Variants in PCDHA10 observed in about 807,000 individuals in gnomAD.
The protein encoded by PCDHA10 is protocadherin alpha-10.
Under a neutral mutation model 61.2 loss-of-function variants are expected in PCDHA10, and 45 were observed. The ratio of observed to expected loss-of-function variants is 0.74; its 90% CI spans 0.58 to 0.94. The LOEUF is 0.94. PCDHA10 is among the 40% of genes least tolerant of loss of function. PCDHA10 has a pLI of 0.00. For synonymous variants in PCDHA10, 602 were observed against 548.8 expected, an observed-to-expected ratio of 1.10 and a Z score of -1.35; for missense variants, 1,278 against 1,236.2, an observed-to-expected ratio of 1.03 and a Z score of -0.51.
At chr5:140,950,384 T>C (rs1242946878) in intron 1 of PCDHA10, among the ~76,000 whole-genome samples, 8 of 152,028 alleles carry the variant, frequency 5.3e-5, no homozygotes, top group Non-Finnish European at 8.8e-5. Context: ...TCCATTTGAA[T>C]GATATAGAAT....
rs116228766 is a variant in PCDHA10 at position 140,907,042 on chromosome 5, C to A, written c.2388+48606C>A. Among the ~76,000 whole-genome samples, 705 of 152,284 alleles carry A rather than the reference C, an allele frequency of 4.6e-3. 3 individuals carry two copies. The highest frequency in any genetic ancestry group is 0.016 in the African/African-American group (683 of 41,556). On this transcript the variant is annotated intron_variant, in intron 1 of 3. Coordinates refer to ENST00000307360, the MANE Select transcript of PCDHA10 (RefSeq NM_018901.4). The stretch of plus-strand genomic sequence containing the variant: ...CCAGCAGAACATAATGTCACAGGGA[C>A]AGTAAGCAAAAATTTTACTAGTGGG...
intron 3 of PCDHA10, among the ~76,000 whole-genome samples, chr5:140,989,227 C>T (rs933142074): frequency 2.6e-5 from 4 of 152,162 alleles, no homozygotes; most frequent in African/African-American, 9.7e-5. Flanking sequence ...TTCTTTGTAG[C>T]TGAAGTTTTA....
At chr5:140,871,190 A>G (rs1554165248) in intron 1 of PCDHA10, 9 of 1,613,526 alleles carry the variant, frequency 5.6e-6, no homozygotes, top group Admixed American at 3.3e-5. Flanking sequence ...GTGGATGTCA[A>G]CGTGTACCTG....
intron 1 of PCDHA10, chr5:140,870,622 G>A (rs377101052): frequency 6.2e-7 from 1 of 1,613,120 alleles, no homozygotes; most frequent in Admixed American, 1.7e-5. Flanking sequence ...GTCGAGCTAC[G>A]TGTCGGTGCA....
chr5:140,967,056 G>A, intron 1 of PCDHA10: 1 of 1,612,712 alleles, frequency 6.2e-7, no homozygotes, highest in Non-Finnish European at 8.5e-7. Context: ...CTGACGAGTG[G>A]AGCGCTCTTC....
chr5:141,005,499 C>T (rs1399657712), intron 3 of PCDHA10, among the ~76,000 whole-genome samples: 1 of 151,380 alleles, frequency 6.6e-6, no homozygotes, highest in Non-Finnish European at 1.5e-5. Context: ...GTCAGGAGAT[C>T]GAGACCATCC....
At chr5:140,941,202 C>CTTTTCTTTCTTCCTTTCTTT (rs1554213921) in intron 1 of PCDHA10, among the ~76,000 whole-genome samples, 1 of 122,742 alleles carries the variant, frequency 8.1e-6, no homozygotes, top group Non-Finnish European at 1.8e-5. Flanking sequence ...TTTCTTTCTT[C>CTTTTCTTTCTTCCTTTCTTT]CTTTCTTTCT....
Position 140,856,936 on chromosome 5 carries a change from A to C in PCDHA10, c.888A>C (p.Glu296Asp). Residue 296 changes from glutamate to aspartate, a missense_variant, in exon 1 of 4, where the codon GAA (glutamate) becomes GAC (aspartate). Physicochemically the swap from Glu to Asp is conservative, Grantham distance 45 (BLOSUM62 2). Transcript: ENST00000307360. Reference sequence around the variant, plus strand: ...TAAGAAGGAAATTTTGGATAAACGAAAGGACGGGAGAAATAAAAGTAAATG... The same window carrying C: ...TAAGAAGGAAATTTTGGATAAACGACAGGACGGGAGAAATAAAAGTAAATG... ...PTIRRKFWIN[E>D]RTGEIKVNDA... 1 of 1,594,202 alleles carries C rather than the reference A, an allele frequency of 6.3e-7. No homozygotes were observed.
intron 1 of PCDHA10, chr5:140,926,750 G>C (rs2083528007): frequency 8.0e-7 from 1 of 1,256,516 alleles, no homozygotes; most frequent in Non-Finnish European, 1.0e-6. Flanking sequence ...AACGTCGGCG[G>C]TCGCTGAGTA....
intron 1 of PCDHA10, 103 bp downstream of exon 1, chr5:140,858,539 T>G: frequency 7.1e-7 from 1 of 1,399,640 alleles, no homozygotes; most frequent in Admixed American, 2.0e-5. Context: ...TTTGTCTACA[T>G]TCCATTTATG....
Position 141,011,779 on chromosome 5 carries a change from A to G in PCDHA10, c.*1842A>G, listed in dbSNP as rs1407523783. On this transcript the variant is annotated 3_prime_UTR_variant, in exon 4 of 4. Transcript: ENST00000307360. ...CTTTGAAGTTGCAGAATGCTTTGAAATTCTAATGGTATCTGAAATATCAGC... is the reference window on the plus strand; with the variant it reads ...CTTTGAAGTTGCAGAATGCTTTGAAGTTCTAATGGTATCTGAAATATCAGC... The G allele has an allele frequency of 6.5e-6, 1 of 153,778 alleles. No homozygotes were observed. Among genetic ancestry groups the G allele is most frequent in the East Asian group, 1.9e-4 (1 of 5,202 alleles). 9.5% of individuals were successfully genotyped at this position (153,778 alleles called of 1,614,324 possible).
chr5:140,967,066 C>T (rs782715200), intron 1 of PCDHA10: 4 of 1,612,790 alleles, frequency 2.5e-6, no homozygotes, highest in African/African-American at 1.3e-5. Flanking sequence ...GAGCGCTCTT[C>T]GTCAACGAGC....
intron 1 of PCDHA10, among the ~76,000 whole-genome samples, chr5:140,885,740 GTTACT>G (rs1554182262): frequency 2.6e-5 from 4 of 152,016 alleles, no homozygotes; most frequent in African/African-American, 9.7e-5. Context: ...ATATTTCACT[GTTACT>G]TTAATTTTAA....
chr5:140,985,233 G>C (rs1447323173), intron 3 of PCDHA10, among the ~76,000 whole-genome samples: 4 of 152,084 alleles, frequency 2.6e-5, no homozygotes, highest in Non-Finnish European at 5.9e-5. Flanking sequence ...CACCGCGCCT[G>C]GCCTAATCTT....
intron 1 of PCDHA10, chr5:140,862,565 A>G: frequency 2.1e-6 from 1 of 478,016 alleles, no homozygotes; most frequent in Non-Finnish European, 4.3e-6. Context: ...GTGAACCACA[A>G]TGCCCTGGCG....
intron 3 of PCDHA10, among the ~76,000 whole-genome samples, chr5:141,005,470 G>T (rs1563690887): frequency 6.6e-6 from 1 of 151,956 alleles, no homozygotes; most frequent in African/African-American, 2.4e-5. Flanking sequence ...TTGGGAGGCC[G>T]AGACGGGCGG....
Position 140,870,110 on chromosome 5 carries a change from G to A in PCDHA10, c.2388+11674G>A, listed in dbSNP as rs570133503. 6 of 1,613,896 alleles carry A rather than the reference G, an allele frequency of 3.7e-6. No individual in the cohort carries two copies. In the South Asian group the frequency reaches 6.6e-5, roughly 18 times the overall value. On this transcript the variant is annotated intron_variant, in intron 1 of 3. Coordinates refer to ENST00000307360, the MANE Select transcript of PCDHA10 (RefSeq NM_018901.4). ...CCAATGGCAGGTCACTGTACAGTCT[G>A]GGTGGAAATCTTGGACACCAACGAT... is the stretch of plus-strand genomic sequence containing the variant.
intron 1 of PCDHA10, among the ~76,000 whole-genome samples, chr5:140,974,516 T>G (rs533322332): frequency 2.0e-5 from 3 of 152,328 alleles, no homozygotes; most frequent in African/African-American, 7.2e-5. Context: ...TTTTATTTTA[T>G]TTTAGTTTTT....
chr5:140,902,421 A>G (rs1187358402), intron 1 of PCDHA10, among the ~76,000 whole-genome samples: 4 of 152,076 alleles, frequency 2.6e-5, no homozygotes, highest in Non-Finnish European at 5.9e-5. Context: ...AACAGTGGTG[A>G]AAGTGGGCAT....
Sources: allele counts gnomAD v4.1 joint callset (sites outside exome capture counted in the v4.1 genomes callset), GRCh38; gene constraint gnomAD v4.1.1; transcripts MANE v1.5; gene names NCBI Gene and HGNC (gene_info 2026-07-23, HGNC 2026-07-21).